The following PLD5 variants were observed in gnomAD, a reference collection of about 807,000 sequenced individuals.
PLD5 encodes inactive phospholipase D5.
In PLD5, 36 loss-of-function variants were observed where a neutral mutation model predicts 61.1. The ratio of observed to expected loss-of-function variants is 0.59; its 90% CI spans 0.45 to 0.78. The LOEUF is 0.78. Among genes scored for constraint, PLD5 ranks in the 30% least tolerant of loss-of-function variants. The pLI is 0.00. For missense variants in PLD5, 515 were observed against 644.4 expected (o/e 0.80, Z 2.17); for synonymous variants, 243 against 242.8 (o/e 1.00, Z -0.01).
chr1:242,092,397 A>G (rs897576499), intron 9 of PLD5, among the ~76,000 whole-genome samples: 2 of 152,148 alleles, frequency 1.3e-5, no homozygotes, highest in Non-Finnish European at 2.9e-5. Flanking sequence ...GCCTAATCAC[A>G]TGGTTAATCA....
At chr1:242,113,246 C>T (rs972113558) in intron 7 of PLD5, among the ~76,000 whole-genome samples, 5 of 152,072 alleles carry the variant, frequency 3.3e-5, no homozygotes, top group African/African-American at 4.8e-5. Flanking sequence ...CCCGCCACCA[C>T]ACCTGGCTAA....
At chr1:242,095,053 C>T (rs1660116155) in intron 9 of PLD5, among the ~76,000 whole-genome samples, 1 of 152,164 alleles carries the variant, frequency 6.6e-6, no homozygotes, top group Admixed American at 6.5e-5. Context: ...CCTCCTGCCT[C>T]AGCCTCCTGT....
At chr1:242,161,083 A>ATATTC (rs1308740702) in intron 5 of PLD5, among the ~76,000 whole-genome samples, 1 of 152,100 alleles carries the variant, frequency 6.6e-6, no homozygotes. Context: ...AAATATTTTA[A>ATATTC]TAGATAATTT....
chr1:242,235,960 A>G (rs1036831452), intron 4 of PLD5: 1 of 152,338 alleles, frequency 6.6e-6, no homozygotes, highest in South Asian at 2.1e-4. Context: ...ATTTTCTGTA[A>G]TCATGACTTT....
At chr1:242,471,168 G>C (rs1161681062) in intron 1 of PLD5, among the ~76,000 whole-genome samples, 2 of 152,170 alleles carry the variant, frequency 1.3e-5, no homozygotes, top group East Asian at 3.8e-4. Context: ...CCACCTCCCT[G>C]TTCCAGCTGC....
chr1:242,240,381 T>C (rs768376003), intron 4 of PLD5, among the ~76,000 whole-genome samples: 17 of 152,220 alleles, frequency 1.1e-4, no homozygotes, highest in Admixed American at 5.2e-4. Flanking sequence ...TGGTTAATGA[T>C]TTATAGTATT....
intron 5 of PLD5, among the ~76,000 whole-genome samples, chr1:242,172,802 C>T (rs1302000297): frequency 6.6e-6 from 1 of 152,136 alleles, no homozygotes; most frequent in Non-Finnish European, 1.5e-5. Context: ...TTCCTGGACA[C>T]ATACACCCTC....
intron 5 of PLD5, among the ~76,000 whole-genome samples, chr1:242,142,551 C>T (rs115938104): frequency 8.1e-4 from 124 of 152,260 alleles, no homozygotes; most frequent in Non-Finnish European, 1.4e-3. Context: ...AGATGTGTTG[C>T]CAATGCTAAG....
At chr1:242,137,993 T>G (rs1230412971) in intron 5 of PLD5, among the ~76,000 whole-genome samples, 1 of 152,220 alleles carries the variant, frequency 6.6e-6, no homozygotes, top group Non-Finnish European at 1.5e-5. Flanking sequence ...ATTAGATGTC[T>G]GAGGGTAGTT....
intron 6 of PLD5, among the ~76,000 whole-genome samples, chr1:242,124,136 A>C (rs1303418849): frequency 6.6e-6 from 1 of 152,208 alleles, no homozygotes; most frequent in Non-Finnish European, 1.5e-5. Context: ...CTCCGCTCTT[A>C]GCATGTCCCA....
chr1:242,176,077 A>G (rs1311113950), intron 5 of PLD5, among the ~76,000 whole-genome samples: 1 of 152,210 alleles, frequency 6.6e-6, no homozygotes, highest in Non-Finnish European at 1.5e-5. Context: ...TAGAATCAGA[A>G]AAAACTGCTT....
intron 1 of PLD5, among the ~76,000 whole-genome samples, chr1:242,516,780 T>C (rs1337995584): frequency 1.3e-5 from 2 of 152,224 alleles, no homozygotes; most frequent in African/African-American, 4.8e-5. Context: ...TTTTTAAAGA[T>C]TGTCTTGGCT....
At chr1:242,520,437 C>T (rs1192848828) in intron 1 of PLD5, among the ~76,000 whole-genome samples, 1 of 152,148 alleles carries the variant, frequency 6.6e-6, no homozygotes, top group Non-Finnish European at 1.5e-5. Context: ...AGGGGGAACA[C>T]AGTTGTGCAT....
intron 2 of PLD5, among the ~76,000 whole-genome samples, chr1:242,342,287 T>A (rs1574764814): frequency 6.6e-6 from 1 of 152,070 alleles, no homozygotes; most frequent in East Asian, 1.9e-4. Context: ...GATAGCTCTG[T>A]GTGGGCGGAA....
At chr1:242,099,062 G>A (rs1421359222) in intron 9 of PLD5, among the ~76,000 whole-genome samples, 2 of 152,170 alleles carry the variant, frequency 1.3e-5, no homozygotes, top group Non-Finnish European at 2.9e-5. Flanking sequence ...TGTGTGCTGG[G>A]AGAACCACCA....
intron 1 of PLD5, among the ~76,000 whole-genome samples, chr1:242,430,805 G>A (rs1340141466): frequency 1.3e-5 from 2 of 152,132 alleles, no homozygotes; most frequent in Non-Finnish European, 2.9e-5. Flanking sequence ...GAGTTTAATG[G>A]TAGGCTCCTC....
At chr1:242,127,278 T>C (rs185421177) in intron 5 of PLD5, among the ~76,000 whole-genome samples, 132 of 152,344 alleles carry the variant, frequency 8.7e-4, no homozygotes, top group South Asian at 4.4e-3. Flanking sequence ...AGAACTACCA[T>C]TGGATCCAGC....
At chr1:242,149,507 C>CTT (rs60916257) in intron 5 of PLD5, among the ~76,000 whole-genome samples, 5 of 144,762 alleles carry the variant, frequency 3.5e-5, no homozygotes, top group African/African-American at 7.5e-5. Flanking sequence ...AAGTGTTTTA[C>CTT]TTTTTTTTTT....
intron 6 of PLD5, among the ~76,000 whole-genome samples, chr1:242,118,219 C>T (rs994677880): frequency 6.6e-6 from 1 of 152,104 alleles, no homozygotes; most frequent in Non-Finnish European, 1.5e-5. Context: ...ACTTTTTGAG[C>T]CTCTGTTTCC....
Sources: gnomAD v4.1 joint callset for allele counts (sites outside exome capture counted in the v4.1 genomes callset) on GRCh38, gnomAD v4.1.1 for gene constraint, MANE v1.5 for transcripts, NCBI Gene and HGNC (gene_info 2026-07-23, HGNC 2026-07-21) for gene names.